Variants in MCFD2 observed in about 807,000 individuals in gnomAD.
MCFD2 encodes the protein multiple coagulation factor deficiency 2, ER cargo receptor complex subunit, also known as multiple coagulation factor deficiency protein 2.
In MCFD2, 11 loss-of-function variants were observed where a neutral mutation model predicts 12.8. The ratio of observed to expected loss-of-function variants is 0.86; its 90% confidence interval spans 0.54 to 1.42. MCFD2 has a LOEUF of 1.42. Ranked by LOEUF, MCFD2 falls within the 40% of genes most tolerant of loss-of-function variation. MCFD2 has a pLI of 0.00. For missense variants in MCFD2, 191 were observed against 178.6 expected, an observed-to-expected ratio of 1.07 and a Z score of -0.40; for synonymous variants, 70 against 68.1, an observed-to-expected ratio of 1.03 and a Z score of -0.14.
chr2:46,915,951 G>C, upstream of MCFD2: 1 of 985,434 alleles, frequency 1.0e-6, no homozygotes, highest in Non-Finnish European at 1.2e-6. Flanking sequence ...CCCGGGCCCA[G>C]CACTGGCGGG....
chr2:46,910,344 A>T (rs1668433430), intron 1 of MCFD2, among the ~76,000 whole-genome samples: 1 of 152,134 alleles, frequency 6.6e-6, no homozygotes, highest in Admixed American at 6.5e-5. Flanking sequence ...CAGCCAGGTG[A>T]CCTACATACA....
At position 46,907,993 on chromosome 2, in the gene MCFD2, G is replaced by C. The variant is rs762101133; in HGVS notation, c.150-24C>G. ...GCCTAAAAATCAACAGTCAGGTTCA[G>C]GCCAATTGACAGATACTGGGATCAT... On this transcript the variant is annotated intron_variant, in intron 2 of 3. Transcript: ENST00000319466. The surrounding 1 kb of genome is among the most constrained non-coding windows in gnomAD (Gnocchi z 4.1). 6.2e-7 allele frequency: 1 copy of C among 1,613,562 alleles called. No homozygotes were observed. Among genetic ancestry groups the C allele is most frequent in the South Asian group, 1.1e-5 (1 of 91,076 alleles).
At chr2:46,931,943 C>T (rs4300885) in intron 1 of MCFD2, among the ~76,000 whole-genome samples, 8,637 of 152,118 alleles carry the variant, frequency 0.057, 297 homozygotes, top group African/African-American at 0.088. Flanking sequence ...AATGTGAGGA[C>T]GGTTTAACCT....
chr2:46,912,033 A>C (rs1003966188), intron 1 of MCFD2, among the ~76,000 whole-genome samples: 5 of 152,126 alleles, frequency 3.3e-5, no homozygotes, highest in Admixed American at 3.3e-4. Flanking sequence ...CAATTTTACC[A>C]AATAAAAGTG....
At chr2:46,927,714 C>G (rs1193563566) in intron 1 of MCFD2, among the ~76,000 whole-genome samples, 1 of 151,868 alleles carries the variant, frequency 6.6e-6, no homozygotes, top group African/African-American at 2.4e-5. Context: ...ACAACAGGAA[C>G]AGTGGAAGCC....
chr2:46,931,043 C>G (rs1669675257), intron 1 of MCFD2, among the ~76,000 whole-genome samples: 1 of 152,138 alleles, frequency 6.6e-6, no homozygotes, highest in African/African-American at 2.4e-5. Flanking sequence ...ATTTTATTAG[C>G]AATTCAAATC....
chr2:46,934,840 C>T (rs1459989012), intron 1 of MCFD2, among the ~76,000 whole-genome samples: 1 of 122,162 alleles, frequency 8.2e-6, no homozygotes, highest in Non-Finnish European at 1.6e-5. Flanking sequence ...CTCGCTCTGT[C>T]GCCAGGCTGG....
rs1670245165 is a variant in MCFD2, at chr2:46,940,594, C to CTAAAGCCTT, written c.-8+969_-8+977dup. 6.6e-6 allele frequency among the ~76,000 whole-genome samples: 1 copy of CTAAAGCCTT among 152,248 alleles called. No homozygotes were observed. Among genetic ancestry groups the CTAAAGCCTT allele is most frequent in the Non-Finnish European group, 1.5e-5 (1 of 68,056 alleles). On this transcript the variant is annotated intron_variant, in intron 1 of 2. Coordinates refer to the MCFD2 transcript ENST00000409147. The surrounding 1 kb of genome is among the most constrained non-coding windows in gnomAD (Gnocchi z 4.7). Reference sequence around the variant, plus strand: ...ATAAATACCAAGGTGGTGAAACAGCCTAAAGCCTTTAAGAAATCCAGGGCA... The same window carrying CTAAAGCCTT: ...ATAAATACCAAGGTGGTGAAACAGCCTAAAGCCTTTAAAGCCTTTAAGAAATCCAGGGCA...
intron 1 of MCFD2, among the ~76,000 whole-genome samples, chr2:46,910,113 C>G (rs1668424123): frequency 6.6e-6 from 1 of 152,176 alleles, no homozygotes; most frequent in South Asian, 2.1e-4. Context: ...ACAGAGAAAT[C>G]AGGATGCCAT....
At chr2:46,925,921 G>T (rs963219328) in intron 1 of MCFD2, among the ~76,000 whole-genome samples, 3 of 152,184 alleles carry the variant, frequency 2.0e-5, no homozygotes, top group African/African-American at 7.2e-5. Context: ...CACTACAACA[G>T]TGCCACCCAG....
chr2:46,906,463 G>A (rs1023107708), intron 3 of MCFD2, among the ~76,000 whole-genome samples: 3 of 151,052 alleles, frequency 2.0e-5, no homozygotes, highest in African/African-American at 4.9e-5. Context: ...CATTAAATGT[G>A]GAGGCACGAG....
Position 46,941,641 on chromosome 2 carries a change from C to G in MCFD2, c.-77G>C, listed in dbSNP as rs1471937600. The G allele has an allele frequency of 6.4e-7, 1 of 1,553,232 alleles. No individual in the cohort carries two copies. The highest frequency in any genetic ancestry group is 1.4e-5 in the African/African-American group (1 of 73,276). On this transcript the variant is annotated 5_prime_UTR_variant, in exon 1 of 3. Coordinates refer to the MCFD2 transcript ENST00000409147. This position sits in a 1 kb window ranked among gnomAD's most constrained non-coding sequence, Gnocchi z 4.2. ...CTGGGACCGCATGCCGGAGCTGGTCCGGCAGCTGCAGACGCTGAGCATGCC... is the reference window on the plus strand; with the variant it reads ...CTGGGACCGCATGCCGGAGCTGGTCGGGCAGCTGCAGACGCTGAGCATGCC...
chr2:46,940,736 G>A lies in MCFD2; in HGVS notation c.-8+836C>T, dbSNP rs1388369771. Among the ~76,000 whole-genome samples, 1 of 152,184 alleles carries A rather than the reference G, an allele frequency of 6.6e-6. No homozygotes were observed. The highest frequency in any genetic ancestry group is 2.4e-5 in the African/African-American group (1 of 41,454). On this transcript the variant is annotated intron_variant, in intron 1 of 2. Transcript: ENST00000409147. This position sits in a 1 kb window ranked among gnomAD's most constrained non-coding sequence, Gnocchi z 4.7. ...GCAGAGGGGCGTCCAGAGAGTCGCG[G>A]GCCTGGGAACGGGCCTGGGTCCTCG...
chr2:46,923,848 T>G (rs1270518949), intron 1 of MCFD2, among the ~76,000 whole-genome samples: 2 of 152,028 alleles, frequency 1.3e-5, no homozygotes, highest in African/African-American at 4.8e-5. Flanking sequence ...ATCTCTTGCC[T>G]CAGCCTCCAG....
chr2:46,925,581 C>G (rs775694351), intron 1 of MCFD2, among the ~76,000 whole-genome samples: 16 of 152,072 alleles, frequency 1.1e-4, no homozygotes, highest in Non-Finnish European at 2.2e-4. Context: ...TATGTTGACA[C>G]ATGCCTGGTC....
At chr2:46,934,915 C>G (rs1383882737) in intron 1 of MCFD2, among the ~76,000 whole-genome samples, 1 of 150,056 alleles carries the variant, frequency 6.7e-6, no homozygotes, top group Non-Finnish European at 1.5e-5. Flanking sequence ...ATTCTCTTGC[C>G]TCAGCCTCCT....
chr2:46,925,886 C>G (rs1232767415), intron 1 of MCFD2, among the ~76,000 whole-genome samples: 1 of 152,180 alleles, frequency 6.6e-6, no homozygotes, highest in Non-Finnish European at 1.5e-5. Flanking sequence ...TTCTTAAAAA[C>G]CATTCTGCCT....
chr2:46,927,094 A>G lies in MCFD2; in HGVS notation c.-8+14478T>C, dbSNP rs547016096. On this transcript the variant is annotated intron_variant, in intron 1 of 2. Coordinates refer to the MCFD2 transcript ENST00000409147. The stretch of plus-strand genomic sequence containing the variant: ...ACAAAAAGATAGAAAATACAAAAGG[A>G]TAAGAGTCACAGAGAATTCAGTGAG... 2.6e-5 allele frequency among the ~76,000 whole-genome samples: 4 copies of G among 152,318 alleles called. No individual in the cohort carries two copies. In the East Asian group the frequency reaches 5.8e-4, roughly 22 times the overall value.
At chr2:46,917,311 G>A (rs746180259), upstream of MCFD2, 3 of 644,380 alleles carry the variant, frequency 4.7e-6, no homozygotes, top group South Asian at 1.7e-5. Flanking sequence ...GAATCCCTAA[G>A]TTTTGAGGAA....
Sources: gnomAD v4.1 joint callset for allele counts (sites outside exome capture counted in the v4.1 genomes callset) on GRCh38, gnomAD v4.1.1 for gene constraint, Gnocchi (gnomAD v3.1) non-coding constraint, MANE v1.5 for transcripts, NCBI Gene and HGNC (gene_info 2026-07-23, HGNC 2026-07-21) for gene names.